NF2: variants seen among roughly 807,000 people sequenced by gnomAD.
NF2 encodes merlin.
NF2 carries 8 observed loss-of-function variants against 83.7 expected under a neutral mutation model. That is an observed-to-expected ratio of 0.10 (90% CI 0.06 to 0.17). NF2 has a LOEUF of 0.17. Ranked by LOEUF, NF2 falls within the 10% of genes least tolerant of loss-of-function variation. The pLI, the probability that NF2 is intolerant of heterozygous loss-of-function variation, is 1.00. For synonymous variants in NF2, 266 were observed against 269.6 expected (o/e 0.99, Z 0.13); for missense variants, 533 against 744.4 (o/e 0.72, Z 3.31).
chr22:29,642,732 G>A (rs139398355), intron 4 of NF2, among the ~76,000 whole-genome samples: 3 of 151,918 alleles, frequency 2.0e-5, no homozygotes, highest in African/African-American at 4.8e-5. Flanking sequence ...GCCAAACATG[G>A]CCTTTAGGTC....
At chr22:29,682,403 G>C (rs1415534887) in intron 15 of NF2, among the ~76,000 whole-genome samples, 1 of 152,092 alleles carries the variant, frequency 6.6e-6, no homozygotes. Context: ...CAGTTTTATG[G>C]ACTGTCTCTG....
chr22:29,670,366 G>T (rs1426335708), intron 10 of NF2, among the ~76,000 whole-genome samples: 1 of 151,920 alleles, frequency 6.6e-6, no homozygotes, highest in African/African-American at 2.4e-5. Context: ...TAGATATGTA[G>T]TAAGCCACCT....
chr22:29,614,819 G>A (rs2065043353), intron 1 of NF2, among the ~76,000 whole-genome samples: 1 of 152,024 alleles, frequency 6.6e-6, no homozygotes, highest in Non-Finnish European at 1.5e-5. Flanking sequence ...ATGTTGAGGT[G>A]GATGGATCAC....
rs2065666541 is a variant in NF2 at position 29,636,957 on chromosome 22, T to G, written c.240+81T>G. On this transcript the variant is annotated intron_variant, in intron 2 of 15. Coordinates refer to ENST00000338641, the MANE Select transcript of NF2 (RefSeq NM_000268.4). The surrounding 1 kb of genome is among the most constrained non-coding windows in gnomAD (Gnocchi z 4.4). ...CCTGAGCAGGCGCCTAGCTCATCAC[T>G]GGGGCGCTGTAGCTGTATAGTAGAG... 1 of 1,594,870 alleles carries G rather than the reference T, an allele frequency of 6.3e-7. No homozygotes were observed. Among genetic ancestry groups the G allele is most frequent in the South Asian group, 1.1e-5 (1 of 90,522 alleles).
At chr22:29,625,864 T>G (rs2065353830) in intron 1 of NF2, among the ~76,000 whole-genome samples, 1 of 152,248 alleles carries the variant, frequency 6.6e-6, no homozygotes, top group South Asian at 2.1e-4. Flanking sequence ...TGGACCGAGC[T>G]TTGAAAACTT....
At chr22:29,605,803 T>C (rs891209133) in intron 1 of NF2, among the ~76,000 whole-genome samples, 1 of 152,180 alleles carries the variant, frequency 6.6e-6, no homozygotes, top group Admixed American at 6.5e-5. Flanking sequence ...TACTCCAGAC[T>C]ATTGCAAACT....
chr22:29,620,461 C>T (rs764765775), intron 1 of NF2, among the ~76,000 whole-genome samples: 11 of 151,898 alleles, frequency 7.2e-5, no homozygotes, highest in Middle Eastern at 3.2e-3. Context: ...CAGGGTTGGC[C>T]GGGCATGGTG....
chr22:29,696,795 G>GTTT lies in NF2; in HGVS notation c.*2005_*2007dup, dbSNP rs886057365. On this transcript the variant is annotated 3_prime_UTR_variant, in exon 16 of 16. Transcript: ENST00000338641. ...AGTGAGGTCTGGCTCTGCCTCCTCCGTTTTTTTTTTTTTTCTGTTTCTGTT... is the reference window on the plus strand; with the variant it reads ...AGTGAGGTCTGGCTCTGCCTCCTCCGTTTTTTTTTTTTTTTTTCTGTTTCTGTT... 9 of 170,592 alleles carry GTTT rather than the reference G, an allele frequency of 5.3e-5. No individual in the cohort carries two copies. Among genetic ancestry groups the GTTT allele is most frequent in the African/African-American group, 1.3e-4 (5 of 38,290 alleles). The allele number at this position is 170,592 out of a possible 1,614,324, so 10.6% of individuals were successfully genotyped here.
At chr22:29,672,011 C>T (rs1408468929) in intron 11 of NF2, 63 bp downstream of exon 11, 2 of 1,610,166 alleles carry the variant, frequency 1.2e-6, no homozygotes, top group Non-Finnish European at 1.7e-6. Context: ...TTTTCTGGAG[C>T]TTGGTCTCCT....
At chr22:29,648,963 A>G (rs2066063012) in intron 4 of NF2, among the ~76,000 whole-genome samples, 1 of 152,126 alleles carries the variant, frequency 6.6e-6, no homozygotes, top group South Asian at 2.1e-4. Flanking sequence ...ATATATCTTT[A>G]TTGGTAGATA....
Position 29,686,190 on chromosome 22 carries a change from G to A in NF2, c.1737+4589G>A, listed in dbSNP as rs577515059. The stretch of plus-strand genomic sequence containing the variant: ...GTGCACAGTCAGAGCTCAGTAAGGG[G>A]TTAAAACTCTGAAAAGGGAAAATCT... On this transcript the variant is annotated intron_variant, in intron 15 of 15. Coordinates refer to ENST00000338641, the MANE Select transcript of NF2 (RefSeq NM_000268.4). Among the ~76,000 whole-genome samples the A allele has an allele frequency of 1.6e-4, 25 of 152,354 alleles. No homozygotes were observed. The South Asian group carries it at 5.0e-3, about 30-fold the overall frequency.
At chr22:29,616,277 C>G (rs1466640974) in intron 1 of NF2, among the ~76,000 whole-genome samples, 1 of 152,040 alleles carries the variant, frequency 6.6e-6, no homozygotes, top group African/African-American at 2.4e-5. Context: ...GTACTAAAAA[C>G]TACTGAATTA....
At chr22:29,676,140 T>C (rs1232707827) in intron 13 of NF2, among the ~76,000 whole-genome samples, 1 of 152,026 alleles carries the variant, frequency 6.6e-6, no homozygotes, top group East Asian at 1.9e-4. Flanking sequence ...ACACCTGAGA[T>C]GTGTTATGTT....
At position 29,674,820 on chromosome 22, in the gene NF2, C is replaced by T. The variant is rs1301949082; in HGVS notation, c.1341-16C>T. 4 of 1,551,592 alleles carry T rather than the reference C, an allele frequency of 2.6e-6. No individual in the cohort carries two copies. The highest frequency in any genetic ancestry group is 2.6e-6 in the Non-Finnish European group (3 of 1,146,586). On this transcript the variant is annotated splice_polypyrimidine_tract_variant and intron_variant, in intron 12 of 15. Coordinates refer to ENST00000338641, the MANE Select transcript of NF2 (RefSeq NM_000268.4). ...GCCCTCTTCTGTGAAGCTGACATCT[C>T]ATCCTTTCCTTGCAGGGCCAAAGAG...
chr22:29,652,032 G>A (rs912548543), intron 4 of NF2, among the ~76,000 whole-genome samples: 5 of 152,122 alleles, frequency 3.3e-5, no homozygotes, highest in Non-Finnish European at 7.4e-5. Flanking sequence ...TGTGCTGTGC[G>A]AAATGCTTAC....
At chr22:29,605,151 ATT>A (rs34646924) in intron 1 of NF2, among the ~76,000 whole-genome samples, 297 of 101,866 alleles carry the variant, frequency 2.9e-3, no homozygotes, top group African/African-American at 7.4e-3. Context: ...CACCTGGCTA[ATT>A]TTTTTTTTTT....
At chr22:29,691,498 C>G (rs1162436762) in intron 15 of NF2, among the ~76,000 whole-genome samples, 1 of 152,232 alleles carries the variant, frequency 6.6e-6, no homozygotes, top group Non-Finnish European at 1.5e-5. Context: ...GCAGGGGAAC[C>G]AGGAAACTTG....
chr22:29,617,845 A>G lies in NF2; in HGVS notation c.114+13733A>G, dbSNP rs150209304. Among the ~76,000 whole-genome samples, 3 of 152,332 alleles carry G rather than the reference A, an allele frequency of 2.0e-5. No individual in the cohort carries two copies. In the East Asian group the frequency reaches 5.8e-4, roughly 29 times the overall value. On this transcript the variant is annotated intron_variant, in intron 1 of 15. Transcript: ENST00000338641. ...ATAGCAGAGCAGTAGTAGAAAGTGCATCGGCTTTGAAAGAAGACAGACCTG... is the reference window on the plus strand; with the variant it reads ...ATAGCAGAGCAGTAGTAGAAAGTGCGTCGGCTTTGAAAGAAGACAGACCTG...
intron 15 of NF2, among the ~76,000 whole-genome samples, chr22:29,685,953 CTCTTT>C (rs2067259678): frequency 6.7e-6 from 1 of 148,592 alleles, no homozygotes; most frequent in Non-Finnish European, 1.5e-5. Context: ...CGCTCGCTCT[CTCTTT>C]TTTTTTTTTT....
Sources: allele counts gnomAD v4.1 joint callset (sites outside exome capture counted in the v4.1 genomes callset), GRCh38; gene constraint gnomAD v4.1.1; non-coding constraint Gnocchi (gnomAD v3.1); transcripts MANE v1.5; gene names NCBI Gene and HGNC (gene_info 2026-07-23, HGNC 2026-07-21).